Variants in STON2 observed in about 807,000 individuals in gnomAD.
STON2 encodes the protein stonin 2, also known as stonin-2.
In STON2, 29 loss-of-function variants were observed where a neutral mutation model predicts 65.7. The ratio of observed to expected loss-of-function variants is 0.44; its 90% CI spans 0.33 to 0.60. STON2 has a LOEUF of 0.60. Among genes scored for constraint, STON2 ranks in the 20% least tolerant of loss-of-function variants. The pLI, the probability that STON2 is intolerant of heterozygous loss-of-function variation, is 0.03. For synonymous variants in STON2, 404 were observed against 414.2 expected (o/e 0.98, Z 0.30); for missense variants, 1,054 against 1,118.1 (o/e 0.94, Z 0.82).
At chr14:81,371,799 G>A (rs1459583641) in intron 3 of STON2, among the ~76,000 whole-genome samples, 1 of 151,936 alleles carries the variant, frequency 6.6e-6, no homozygotes, top group East Asian at 1.9e-4. Context: ...TTAGATTTCA[G>A]CTTTTTTCAA....
intron 5 of STON2, among the ~76,000 whole-genome samples, chr14:81,289,368 A>G (rs1028406763): frequency 6.6e-6 from 1 of 152,148 alleles, no homozygotes; most frequent in Non-Finnish European, 1.5e-5. Context: ...GAAGACAGAA[A>G]AAAGGACCAG....
Position 81,263,554 on chromosome 14 carries a change from A to AAC in STON2, c.*4859_*4860insGT, listed in dbSNP as rs1894240820. The AAC allele has an allele frequency of 1.0e-5, 2 of 192,006 alleles. No homozygotes were observed. The highest frequency in any genetic ancestry group is 4.9e-5 in the African/African-American group (2 of 41,078). 11.9% of individuals were successfully genotyped at this position (192,006 alleles called of 1,614,324 possible). A position where few individuals can be genotyped will look rare whatever the true frequency, so the allele number is the denominator to read the frequency against. On this transcript the variant is annotated 3_prime_UTR_variant, in exon 8 of 8. Coordinates refer to ENST00000614646, the MANE Select transcript of STON2 (RefSeq NM_001394390.1). The stretch of plus-strand genomic sequence containing the variant: ...CTCCGTCTCAAAAAAAAAAAAAAAA[A>AAC]AAAAAACAAAAAAGAAAATGCTATT...
rs943532167 is a variant in STON2, at chr14:81,382,907, C to T, written c.374-11722G>A. ...CTGCCTCTCACAAACTGTTCTCATT[C>T]GCTCTAATACACTTTGTTTATTTTT... On this transcript the variant is annotated intron_variant, in intron 3 of 7. Coordinates refer to ENST00000614646, the MANE Select transcript of STON2 (RefSeq NM_001394390.1). Among the ~76,000 whole-genome samples, 6 of 152,264 alleles carry T rather than the reference C, an allele frequency of 3.9e-5. No individual in the cohort carries two copies. In the South Asian group the frequency reaches 8.3e-4, roughly 21 times the overall value.
intron 4 of STON2, among the ~76,000 whole-genome samples, chr14:81,358,944 G>A (rs1377267986): frequency 9.9e-5 from 15 of 151,972 alleles, no homozygotes; most frequent in Admixed American, 5.2e-4. Flanking sequence ...TAATCATATC[G>A]GACTTGAATA....
In STON2 at chr14:81,278,592, A is replaced by G. The variant is rs370932995; in HGVS notation, c.890T>C (p.Val297Ala). ...PSWVTFDDNE[V>A]SCPLPPVTSP... ...GGTGACTGGTGGTAAAGGGCAGCTG[A>G]CTTCATTGTCATCAAAGGTGACCCA... is the stretch of plus-strand genomic sequence containing the variant. Residue 297 changes from valine (V) to alanine (A), a missense_variant, in exon 6 of 8, where the codon GTC (valine) becomes GCC (alanine). Physicochemically the swap from Val to Ala is moderately conservative, Grantham distance 64. Transcript: ENST00000614646. 12 of 1,602,806 alleles carry G rather than the reference A, an allele frequency of 7.5e-6. No individual in the cohort carries two copies. In the African/African-American group the frequency reaches 1.5e-4, roughly 20 times the overall value.
intron 4 of STON2, among the ~76,000 whole-genome samples, chr14:81,359,441 G>A (rs1284525084): frequency 6.6e-6 from 1 of 152,110 alleles, no homozygotes; most frequent in Non-Finnish European, 1.5e-5. Flanking sequence ...AAGGAATATT[G>A]CAAGTAGTAA....
chr14:81,277,063 C>T lies in STON2; in HGVS notation c.2419G>A (p.Glu807Lys), dbSNP rs1190601443. ...TTCACTTTGGCTTTCAAAGACTTTT[C>T]CCCCAGGACACTTTCCCTGCGGAAG... is the stretch of plus-strand genomic sequence containing the variant. ...KNFRRESVLG[E>K]KSLKAKVNRG... Residue 807 changes from glutamate to lysine, a missense_variant, in exon 6 of 8, where the codon GAA (glutamate) becomes AAA (lysine). Coordinates refer to ENST00000614646, the MANE Select transcript of STON2 (RefSeq NM_001394390.1). 6.2e-7 allele frequency: 1 copy of T among 1,614,190 alleles called. No individual in the cohort carries two copies. Among genetic ancestry groups the T allele is most frequent in the Non-Finnish European group, 8.5e-7 (1 of 1,180,038 alleles).
chr14:81,307,845 T>C (rs1406367793), intron 5 of STON2, among the ~76,000 whole-genome samples: 5 of 152,216 alleles, frequency 3.3e-5, no homozygotes, highest in Non-Finnish European at 7.3e-5. Context: ...ACAAAAAATA[T>C]GTGTTAATCA....
intron 2 of STON2, among the ~76,000 whole-genome samples, chr14:81,411,262 A>G (rs1429965791): frequency 6.6e-6 from 1 of 152,246 alleles, no homozygotes; most frequent in Non-Finnish European, 1.5e-5. Flanking sequence ...AATGTTTTGA[A>G]GGTGGGATGA....
At chr14:81,296,020 A>G (rs1455184871) in intron 5 of STON2, among the ~76,000 whole-genome samples, 1 of 152,214 alleles carries the variant, frequency 6.6e-6, no homozygotes, top group Non-Finnish European at 1.5e-5. Flanking sequence ...CTGCATATCC[A>G]GTTATAGAGC....
chr14:81,320,820 C>T (rs1187761796), intron 5 of STON2, among the ~76,000 whole-genome samples: 1 of 152,122 alleles, frequency 6.6e-6, no homozygotes, highest in Non-Finnish European at 1.5e-5. Flanking sequence ...ATCAGAGCCA[C>T]ACCCTCTAAA....
In STON2 at chr14:81,372,887, T is replaced by C. The variant is rs766324317; in HGVS notation, c.374-1702A>G. On this transcript the variant is annotated intron_variant, in intron 3 of 7. Transcript: ENST00000614646. ...AAAGAATAAACATCAATGCTTGCAA[T>C]AGTATAAATATAAAATTTTTCATTC... Among the ~76,000 whole-genome samples, 7 of 152,180 alleles carry C rather than the reference T, an allele frequency of 4.6e-5. No individual in the cohort carries two copies. In the East Asian group the frequency reaches 5.8e-4, roughly 13 times the overall value.
intron 2 of STON2, 31 bp downstream of exon 2, chr14:81,398,264 C>T: frequency 6.7e-7 from 1 of 1,503,118 alleles, no homozygotes; most frequent in Non-Finnish European, 9.2e-7. Flanking sequence ...TTGACAATCT[C>T]TTCACTTTAG....
chr14:81,421,823 C>T (rs1238442866), intron 2 of STON2, among the ~76,000 whole-genome samples: 2 of 152,126 alleles, frequency 1.3e-5, no homozygotes, highest in Non-Finnish European at 2.9e-5. Flanking sequence ...TCTTTAGGAC[C>T]TGTTAAATAG....
rs184352650 is a variant in STON2, at chr14:81,300,027, T to C, written c.743-21288A>G. Among the ~76,000 whole-genome samples the C allele has an allele frequency of 2.6e-4, 40 of 152,142 alleles. 1 individual carries two copies. Among genetic ancestry groups the C allele is most frequent in the Non-Finnish European group, 5.3e-4 (36 of 67,970 alleles). ...ACAATCTCAAAGAAGAAAAATGTTG[T>C]AGGACTCAAAACTACCAAATTTCAA... On this transcript the variant is annotated intron_variant, in intron 5 of 7. Transcript: ENST00000614646.
chr14:81,293,463 C>G (rs1895642891), intron 5 of STON2, among the ~76,000 whole-genome samples: 2 of 151,896 alleles, frequency 1.3e-5, no homozygotes, highest in South Asian at 4.1e-4. Context: ...TGAGTCACCA[C>G]ACTCGACTGG....
chr14:81,265,966 G>A lies in STON2; in HGVS notation c.*2448C>T, dbSNP rs1013722748. ...TCTCCAATCCATTTAGATGTTCTAT[G>A]AGGAATTAATCTCAAAAGCCTTCAG... is the stretch of plus-strand genomic sequence containing the variant. On this transcript the variant is annotated 3_prime_UTR_variant, in exon 8 of 8. Transcript: ENST00000614646. The A allele has an allele frequency of 1.0e-6, 1 of 985,274 alleles. No individual in the cohort carries two copies. Among genetic ancestry groups the A allele is most frequent in the Non-Finnish European group, 1.2e-6 (1 of 829,936 alleles). The allele number at this position is 985,274 out of a possible 1,614,324, so 61.0% of individuals were successfully genotyped here.
chr14:81,419,812 C>T (rs1901615237), intron 2 of STON2, among the ~76,000 whole-genome samples: 1 of 152,154 alleles, frequency 6.6e-6, no homozygotes, highest in African/African-American at 2.4e-5. Flanking sequence ...TACAGCAATC[C>T]CAAGGAAGCC....
chr14:81,349,030 A>G (rs1168541541), intron 4 of STON2, among the ~76,000 whole-genome samples: 2 of 152,172 alleles, frequency 1.3e-5, no homozygotes, highest in Admixed American at 6.5e-5. Context: ...TGAAAAGTGG[A>G]TATCTACATG....
Sources: allele counts gnomAD v4.1 joint callset (sites outside exome capture counted in the v4.1 genomes callset), GRCh38; gene constraint gnomAD v4.1.1; transcripts MANE v1.5; gene names NCBI Gene and HGNC (gene_info 2026-07-23, HGNC 2026-07-21).